Variants in STK3 observed in about 807,000 individuals in gnomAD.
STK3 encodes the protein serine/threonine-protein kinase 3.
A neutral mutation model predicts 58.0 loss-of-function variants in STK3; 41 were observed. That is an observed-to-expected ratio of 0.71 (90% CI 0.55 to 0.92). The LOEUF (loss-of-function observed/expected upper bound fraction) is 0.92, where lower values mean the gene tolerates loss of function less well. Ranked by LOEUF, STK3 falls within the 40% of genes least tolerant of loss-of-function variation. The pLI, the probability that STK3 is intolerant of heterozygous loss-of-function variation, is 0.00. For missense variants in STK3, 479 were observed against 602.7 expected, an observed-to-expected ratio of 0.79 and a Z score of 2.15; for synonymous variants, 170 against 191.0, an observed-to-expected ratio of 0.89 and a Z score of 0.91.
intron 3 of STK3, among the ~76,000 whole-genome samples, chr8:98,433,097 A>G (rs1490593734): frequency 2.0e-5 from 3 of 152,036 alleles, no homozygotes; most frequent in Admixed American, 6.6e-5. Context: ...TGTTTTTGCA[A>G]TTTGGGGAAG....
chr8:98,631,048 A>C (rs533147181), intron 6 of STK3, among the ~76,000 whole-genome samples: 5 of 152,290 alleles, frequency 3.3e-5, no homozygotes, highest in African/African-American at 7.2e-5. Flanking sequence ...CATTTAGATA[A>C]TCAGAAAATA....
chr8:98,905,446 C>T (rs1444142880), intron 1 of STK3: 1 of 1,301,396 alleles, frequency 7.7e-7, no homozygotes, highest in South Asian at 1.2e-5. Context: ...TTGGTTGACG[C>T]TTTGCTCTTA....
intron 6 of STK3, among the ~76,000 whole-genome samples, chr8:98,690,832 C>A (rs780733974): frequency 6.6e-6 from 1 of 152,128 alleles, no homozygotes; most frequent in Non-Finnish European, 1.5e-5. Context: ...CAGCAAGGTA[C>A]TGGTACAAAA....
At chr8:98,731,161 A>T (rs1344124076) in intron 4 of STK3, among the ~76,000 whole-genome samples, 1 of 152,202 alleles carries the variant, frequency 6.6e-6, no homozygotes, top group African/African-American at 2.4e-5. Flanking sequence ...ATTTGGAAGC[A>T]TTTCTATGGA....
At chr8:98,863,905 G>T (rs1417882995) in intron 3 of STK3, among the ~76,000 whole-genome samples, 1 of 152,086 alleles carries the variant, frequency 6.6e-6, no homozygotes, top group African/African-American at 2.4e-5. Context: ...CTTAAAAAAA[G>T]TCTGAATCAG....
chr8:98,709,130 T>TA (rs1563915899), intron 4 of STK3, among the ~76,000 whole-genome samples: 1 of 152,160 alleles, frequency 6.6e-6, no homozygotes, highest in African/African-American at 2.4e-5. Flanking sequence ...GGGACTGCTC[T>TA]CAAGCTTATA....
chr8:98,498,484 C>A (rs1823320013), intron 10 of STK3, among the ~76,000 whole-genome samples: 1 of 152,086 alleles, frequency 6.6e-6, no homozygotes. Context: ...GCCCTGCCCT[C>A]CAAGAAATTT....
chr8:98,597,867 T>A (rs1356358523), intron 6 of STK3: 1 of 981,914 alleles, frequency 1.0e-6, no homozygotes, highest in South Asian at 4.7e-5. Context: ...AACAACTGAG[T>A]GCCAGACAAT....
intron 6 of STK3, among the ~76,000 whole-genome samples, chr8:98,599,320 A>C (rs1257759110): frequency 6.6e-6 from 1 of 152,256 alleles, no homozygotes. Context: ...AATTACACTA[A>C]TTTATAAAAG....
intron 9 of STK3, among the ~76,000 whole-genome samples, chr8:98,542,683 A>T (rs1218933557): frequency 6.6e-6 from 1 of 152,208 alleles, no homozygotes; most frequent in Admixed American, 6.5e-5. Flanking sequence ...GCTCCCTCTT[A>T]TCAAGTTGTT....
chr8:98,807,595 A>G lies in STK3; in HGVS notation c.26+17920T>C, dbSNP rs546413206. Among the ~76,000 whole-genome samples, 4 of 152,314 alleles carry G rather than the reference A, an allele frequency of 2.6e-5. No homozygotes were observed. In the South Asian group the frequency reaches 8.3e-4, roughly 32 times the overall value. On this transcript the variant is annotated intron_variant, in intron 1 of 10. Transcript: ENST00000419617. ...TTATTTAGGAGACTGGAAATAGTGA[A>G]TAAGACTGAGTACAAAAATTCCAAG...
intron 1 of STK3, among the ~76,000 whole-genome samples, chr8:98,821,399 G>A (rs1386361412): frequency 1.3e-5 from 2 of 151,952 alleles, no homozygotes; most frequent in Non-Finnish European, 2.9e-5. Flanking sequence ...CAAAATGGTT[G>A]GGGATCTATG....
intron 3 of STK3, among the ~76,000 whole-genome samples, chr8:98,762,187 C>T (rs1796716626): frequency 6.6e-6 from 1 of 152,188 alleles, no homozygotes; most frequent in African/African-American, 2.4e-5. Context: ...CCTACCCATT[C>T]GTCTGTTTCT....
intron 10 of STK3, among the ~76,000 whole-genome samples, chr8:98,511,170 T>C (rs544085430): frequency 6.4e-4 from 98 of 152,104 alleles, no homozygotes; most frequent in Non-Finnish European, 1.3e-3. Flanking sequence ...AAAACAAAAG[T>C]GGTTCTTATT....
intron 3 of STK3, among the ~76,000 whole-genome samples, chr8:98,862,904 G>A (rs1018456709): frequency 1.3e-5 from 2 of 152,242 alleles, no homozygotes; most frequent in Admixed American, 1.3e-4. Context: ...AACCAGCCTA[G>A]TAGAGATTCA....
chr8:98,517,704 A>G (rs892553273), intron 10 of STK3, among the ~76,000 whole-genome samples: 1 of 152,120 alleles, frequency 6.6e-6, no homozygotes, highest in African/African-American at 2.4e-5. Context: ...AGTTTCCTCA[A>G]TCAATTTTTA....
intron 1 of STK3, among the ~76,000 whole-genome samples, chr8:98,803,071 G>A (rs1425121280): frequency 6.6e-6 from 1 of 152,168 alleles, no homozygotes; most frequent in African/African-American, 2.4e-5. Flanking sequence ...CTTGGGGTAT[G>A]ATTCTCTCTA....
chr8:98,503,558 T>C (rs961665302), intron 10 of STK3, among the ~76,000 whole-genome samples: 1 of 152,248 alleles, frequency 6.6e-6, no homozygotes, highest in Non-Finnish European at 1.5e-5. Context: ...AATTTCCCTC[T>C]ACAAACTGCT....
intron 3 of STK3, among the ~76,000 whole-genome samples, chr8:98,750,425 C>T (rs1273266302): frequency 8.6e-6 from 1 of 115,796 alleles, no homozygotes; most frequent in South Asian, 2.8e-4. Flanking sequence ...TTGCTGGGCA[C>T]AAATGTAAGA....
Sources: gnomAD v4.1 joint callset for allele counts (sites outside exome capture counted in the v4.1 genomes callset) on GRCh38, gnomAD v4.1.1 for gene constraint, MANE v1.5 for transcripts, NCBI Gene and HGNC (gene_info 2026-07-23, HGNC 2026-07-21) for gene names.